CTNNBL1: variants seen among roughly 807,000 people sequenced by gnomAD.
CTNNBL1 encodes the protein beta-catenin-like protein 1.
In CTNNBL1, 31 loss-of-function variants were observed where a neutral mutation model predicts 72.7. The ratio of observed to expected loss-of-function variants is 0.43; its 90% CI spans 0.32 to 0.58. CTNNBL1 has a LOEUF of 0.58. Ranked by LOEUF, CTNNBL1 falls within the 20% of genes least tolerant of loss-of-function variation. CTNNBL1 has a pLI of 0.08. For missense variants in CTNNBL1, 534 were observed against 725.1 expected (o/e 0.74, Z 3.03); for synonymous variants, 240 against 267.3 (o/e 0.90, Z 1.00).
At chr20:37,787,586 C>T (rs566034688) in intron 10 of CTNNBL1, among the ~76,000 whole-genome samples, 70 of 152,286 alleles carry the variant, frequency 4.6e-4, no homozygotes, top group African/African-American at 1.5e-3. Context: ...CCTCGTGATC[C>T]GCACGCCTTG....
chr20:37,707,758 C>T (rs758621244), intron 1 of CTNNBL1, among the ~76,000 whole-genome samples: 3 of 152,316 alleles, frequency 2.0e-5, no homozygotes, highest in South Asian at 4.1e-4. Flanking sequence ...CGCTTTCGGC[C>T]CATTGCCGCT....
chr20:37,844,171 G>A (rs1489732225), intron 13 of CTNNBL1, among the ~76,000 whole-genome samples: 1 of 152,184 alleles, frequency 6.6e-6, no homozygotes, highest in East Asian at 1.9e-4. Flanking sequence ...CCATGAGACA[G>A]TTAGAACTCC....
At chr20:37,833,012 T>G (rs1331347105) in intron 11 of CTNNBL1, among the ~76,000 whole-genome samples, 1 of 152,188 alleles carries the variant, frequency 6.6e-6, no homozygotes, top group Non-Finnish European at 1.5e-5. Context: ...TACATTTGTG[T>G]ATGTGTTTCG....
At chr20:37,708,437 G>T (rs1345261425) in intron 1 of CTNNBL1, among the ~76,000 whole-genome samples, 1 of 152,320 alleles carries the variant, frequency 6.6e-6, no homozygotes, top group Admixed American at 6.5e-5. Context: ...CTCCCAAAGT[G>T]TTGGGATTAC....
chr20:37,708,827 G>T (rs966604228), intron 1 of CTNNBL1, among the ~76,000 whole-genome samples: 12 of 152,194 alleles, frequency 7.9e-5, no homozygotes, highest in African/African-American at 2.4e-4. Context: ...GCAATATCTA[G>T]AGTCACTGAA....
At chr20:37,751,265 C>T (rs915670714) in intron 4 of CTNNBL1, 1 of 152,088 alleles carries the variant, frequency 6.6e-6, no homozygotes, top group African/African-American at 2.4e-5. Context: ...AGCTTTCTCT[C>T]CACCCCTTTG....
chr20:37,845,195 A>G (rs1285074335), intron 13 of CTNNBL1, among the ~76,000 whole-genome samples: 7 of 152,190 alleles, frequency 4.6e-5, no homozygotes, highest in Non-Finnish European at 8.8e-5. Flanking sequence ...GGTTGGCACC[A>G]TCAGATGCTT....
chr20:37,849,341 ACCT>A (rs1389646737), intron 13 of CTNNBL1, among the ~76,000 whole-genome samples: 6 of 152,064 alleles, frequency 3.9e-5, no homozygotes, highest in Non-Finnish European at 8.8e-5. Context: ...ATGCAGTCTA[ACCT>A]CCTGCGCCGG....
At chr20:37,774,549 G>A (rs2073557423) in intron 7 of CTNNBL1, among the ~76,000 whole-genome samples, 1 of 152,200 alleles carries the variant, frequency 6.6e-6, no homozygotes. Context: ...AAATGATGAA[G>A]TTATCAGTCT....
chr20:37,852,718 G>A (rs1345827681), intron 13 of CTNNBL1, among the ~76,000 whole-genome samples: 1 of 152,142 alleles, frequency 6.6e-6, no homozygotes, highest in Non-Finnish European at 1.5e-5. Context: ...TGATTTCAGG[G>A]CTGTTTCCCA....
chr20:37,712,206 C>T lies in CTNNBL1; in HGVS notation c.30+18054C>T, dbSNP rs946515433. On this transcript the variant is annotated intron_variant, in intron 1 of 15. Transcript: ENST00000361383. ...TGGCTTAATCAAGAAGCAGCGCTCT[C>T]CTTGTGCCAGGCTTGGCTCAGAAAA... Among the ~76,000 whole-genome samples the T allele has an allele frequency of 7.2e-5, 11 of 152,332 alleles. No homozygotes were observed. In the East Asian group the frequency reaches 1.5e-3, roughly 21 times the overall value.
intron 2 of CTNNBL1, among the ~76,000 whole-genome samples, chr20:37,737,040 G>A (rs574681017): frequency 3.9e-5 from 6 of 151,928 alleles, no homozygotes; most frequent in South Asian, 2.1e-4. Context: ...TGGCTAACAC[G>A]AAGAAACCCT....
chr20:37,852,221 A>G (rs1221112931), intron 13 of CTNNBL1, among the ~76,000 whole-genome samples: 1 of 152,164 alleles, frequency 6.6e-6, no homozygotes, highest in Non-Finnish European at 1.5e-5. Context: ...ATAGATTTTC[A>G]CTCTGAAGTT....
chr20:37,761,948 G>A (rs57761612), intron 5 of CTNNBL1, among the ~76,000 whole-genome samples: 1,559 of 152,336 alleles, frequency 0.01, 19 homozygotes, highest in African/African-American at 0.036. Flanking sequence ...GCTGGGGCGA[G>A]GGGAGAAAGC....
In CTNNBL1 at chr20:37,777,368, C is replaced by G. The variant is rs200725330; in HGVS notation, c.774C>G (p.Asn258Lys). ...RLKAKMPFDA[N>K]KLYCSEVLAI... Reference sequence around the variant, plus strand: ...AGGCAAAGATGCCTTTTGATGCCAACAAACTGTATTGCAGTGAAGTGCTGG... The same window carrying G: ...AGGCAAAGATGCCTTTTGATGCCAAGAAACTGTATTGCAGTGAAGTGCTGG... Residue 258 changes from asparagine (N) to lysine (K), a missense_variant, in exon 8 of 16, where the codon AAC becomes AAG. Coordinates refer to ENST00000361383, the MANE Select transcript of CTNNBL1 (RefSeq NM_030877.5). 1 of 1,613,886 alleles carries G rather than the reference C, an allele frequency of 6.2e-7. No individual in the cohort carries two copies. Among genetic ancestry groups the G allele is most frequent in the Non-Finnish European group, 8.5e-7 (1 of 1,179,774 alleles).
intron 7 of CTNNBL1, among the ~76,000 whole-genome samples, chr20:37,774,393 A>T (rs2073555364): frequency 6.6e-6 from 1 of 152,160 alleles, no homozygotes; most frequent in Non-Finnish European, 1.5e-5. Flanking sequence ...CCTCTTGCCA[A>T]GCTGCTTCTC....
intron 12 of CTNNBL1, among the ~76,000 whole-genome samples, chr20:37,841,467 A>G (rs1319691673): frequency 2.0e-5 from 3 of 152,206 alleles, no homozygotes; most frequent in Non-Finnish European, 4.4e-5. Flanking sequence ...ATAAGCTGCA[A>G]CATTAAGGTC....
intron 10 of CTNNBL1, among the ~76,000 whole-genome samples, chr20:37,783,467 A>G (rs963655511): frequency 2.1e-4 from 32 of 151,614 alleles, no homozygotes; most frequent in African/African-American, 7.5e-4. Flanking sequence ...GTGTATTTGA[A>G]GTTTTTCTAC....
chr20:37,841,490 G>A (rs1001167393), intron 12 of CTNNBL1, among the ~76,000 whole-genome samples: 15 of 152,204 alleles, frequency 9.9e-5, no homozygotes. Context: ...AGGGTCATCA[G>A]TGTTGGCTAA....
Sources: allele counts gnomAD v4.1 joint callset (sites outside exome capture counted in the v4.1 genomes callset), GRCh38; gene constraint gnomAD v4.1.1; transcripts MANE v1.5; gene names NCBI Gene and HGNC (gene_info 2026-07-23, HGNC 2026-07-21).